MME: variants seen among roughly 807,000 people sequenced by gnomAD.
MME encodes the protein neprilysin.
Under a neutral mutation model 113.2 loss-of-function variants are expected in MME, and 98 were observed. That is an observed-to-expected ratio of 0.87 (90% CI 0.74 to 1.02). The LOEUF is 1.02. Ranked by LOEUF, MME falls within the 50% of genes least tolerant of loss-of-function variation. The pLI, the probability that MME is intolerant of heterozygous loss-of-function variation, is 0.00. For synonymous variants in MME, 292 were observed against 300.6 expected (o/e 0.97, Z 0.30); for missense variants, 836 against 896.0 (o/e 0.93, Z 0.86).
At chr3:155,135,755 C>T (rs1720572119) in intron 8 of MME, among the ~76,000 whole-genome samples, 1 of 152,020 alleles carries the variant, frequency 6.6e-6, no homozygotes, top group Admixed American at 6.6e-5. Flanking sequence ...ACTGATTCTT[C>T]CAGTCCATAA....
chr3:155,057,513 T>A (rs1392344454), intron 1 of MME, among the ~76,000 whole-genome samples: 1 of 151,866 alleles, frequency 6.6e-6, no homozygotes, highest in Admixed American at 6.6e-5. Flanking sequence ...GTTTTAAAGA[T>A]CAATTGGTTT....
chr3:155,041,147 C>G (rs1307432232), intron 1 of MME, among the ~76,000 whole-genome samples: 3 of 152,128 alleles, frequency 2.0e-5, no homozygotes, highest in African/African-American at 7.2e-5. Context: ...GATTTGATCC[C>G]TCATATCCCT....
At chr3:155,027,658 A>G (rs1007115029) in intron 1 of MME, among the ~76,000 whole-genome samples, 3 of 152,226 alleles carry the variant, frequency 2.0e-5, no homozygotes, top group South Asian at 2.1e-4. Flanking sequence ...GATTTCTTCT[A>G]TAGAATCCCT....
chr3:155,176,990 A>G (rs145842663), intron 22 of MME, among the ~76,000 whole-genome samples: 277 of 152,254 alleles, frequency 1.8e-3, no homozygotes, highest in African/African-American at 6.4e-3. Context: ...AGCTGAGTGC[A>G]CACCAGGCTG....
intron 1 of MME, among the ~76,000 whole-genome samples, chr3:155,026,348 C>A (rs1559885457): frequency 6.6e-6 from 1 of 152,120 alleles, no homozygotes; most frequent in Non-Finnish European, 1.5e-5. Flanking sequence ...CCCACTTCTA[C>A]CACTGAATGG....
intron 20 of MME, among the ~76,000 whole-genome samples, chr3:155,169,509 A>T (rs1410816208): frequency 6.6e-6 from 1 of 152,186 alleles, no homozygotes; most frequent in Non-Finnish European, 1.5e-5. Flanking sequence ...GCAAGGGTTA[A>T]AAAATAGTCT....
At position 155,056,646 on chromosome 3, in the gene MME, G is replaced by A. The variant is rs373427317; in HGVS notation, c.-10-27512G>A. On this transcript the variant is annotated intron_variant, in intron 1 of 22. Coordinates refer to the MME transcript ENST00000492661. ...AGTGCCGCAATAAACATACGTGTGC[G>A]TGTGTCTTTATAGCAGCATGATTTA... Among the ~76,000 whole-genome samples, 435 of 151,676 alleles carry A rather than the reference G, an allele frequency of 2.9e-3. 10 individuals are homozygous for A. The highest frequency in any genetic ancestry group is 0.028 in the South Asian group (134 of 4,776).
intron 4 of MME, 39 bp from the exon 5 acceptor site, chr3:155,116,440 C>T (rs1334133032): frequency 1.5e-6 from 2 of 1,369,524 alleles, no homozygotes. Flanking sequence ...TGCAAATGAG[C>T]AATTATGTTG....
At chr3:155,042,053 GAA>G (rs1220511562) in intron 1 of MME, among the ~76,000 whole-genome samples, 6 of 152,102 alleles carry the variant, frequency 3.9e-5, no homozygotes, top group Non-Finnish European at 8.8e-5. Context: ...TTTAACAAAA[GAA>G]TATTTCAATT....
chr3:155,133,062 A>AATATATATATATATATAT (rs1553762420), intron 8 of MME, among the ~76,000 whole-genome samples: 21 of 75,068 alleles, frequency 2.8e-4, no homozygotes, highest in African/African-American at 5.9e-4. Context: ...AAAAAAAAAA[A>AATATATATATATATATAT]ATATATATAT....
At chr3:155,141,908 C>A (rs1345662529) in intron 10 of MME, 83 bp from the exon 11 acceptor site, 1 of 1,479,222 alleles carries the variant, frequency 6.8e-7, no homozygotes, top group Non-Finnish European at 9.4e-7. Context: ...TCAAACTGAT[C>A]CAACCCTCTA....
chr3:155,044,153 CA>C (rs1490781138), intron 1 of MME, among the ~76,000 whole-genome samples: 22 of 91,392 alleles, frequency 2.4e-4, no homozygotes, highest in South Asian at 1.0e-3. Context: ...TTTTTTGAGA[CA>C]GGGGGTCTTG....
At chr3:155,060,185 T>C (rs1576675896) in intron 1 of MME, among the ~76,000 whole-genome samples, 1 of 152,302 alleles carries the variant, frequency 6.6e-6, no homozygotes, top group Admixed American at 6.5e-5. Context: ...AGCAAAATTA[T>C]GATTTCACAG....
At chr3:155,043,343 T>C (rs912276614) in intron 1 of MME, among the ~76,000 whole-genome samples, 1 of 151,832 alleles carries the variant, frequency 6.6e-6, no homozygotes, top group Non-Finnish European at 1.5e-5. Flanking sequence ...TTTCTTTTTT[T>C]TTTTTGAGAC....
intron 1 of MME, among the ~76,000 whole-genome samples, chr3:155,068,014 C>A (rs1714441360): frequency 6.6e-6 from 1 of 152,112 alleles, no homozygotes; most frequent in Admixed American, 6.6e-5. Flanking sequence ...TAGCCCCAAG[C>A]TATAAATTAA....
intron 9 of MME, 110 bp downstream of exon 9, chr3:155,138,346 A>G: frequency 9.1e-7 from 1 of 1,104,684 alleles, no homozygotes; most frequent in Non-Finnish European, 1.4e-6. Flanking sequence ...ACCAAGTAGT[A>G]AAAATGCATG....
chr3:155,144,297 T>C lies in MME; in HGVS notation c.1318-62T>C, dbSNP rs969616536. On this transcript the variant is annotated intron_variant, in intron 13 of 22. Coordinates refer to ENST00000360490, the MANE Select transcript of MME (RefSeq NM_007289.4). ...CAAAGATAGCATGTAGCTCTATTTT[T>C]AAAAATCTGTGTTACAAAGAATGAA... 18 of 1,137,762 alleles carry C rather than the reference T, an allele frequency of 1.6e-5. No individual in the cohort carries two copies. In the African/African-American group the frequency reaches 2.6e-4, roughly 16 times the overall value. The allele number at this position is 1,137,762 out of a possible 1,614,324, so 70.5% of individuals were successfully genotyped here.
chr3:155,058,296 C>A (rs1234268041), intron 1 of MME, among the ~76,000 whole-genome samples: 1 of 152,126 alleles, frequency 6.6e-6, no homozygotes, highest in African/African-American at 2.4e-5. Flanking sequence ...GACAATTAAG[C>A]ACTGCGTATT....
chr3:155,038,675 C>G (rs1713208322), intron 1 of MME, among the ~76,000 whole-genome samples: 1 of 152,084 alleles, frequency 6.6e-6, no homozygotes, highest in South Asian at 2.1e-4. Flanking sequence ...AGTACTGAAC[C>G]CTGTGTACAC....
Sources: gnomAD v4.1 joint callset for allele counts (sites outside exome capture counted in the v4.1 genomes callset) on GRCh38, gnomAD v4.1.1 for gene constraint, MANE v1.5 for transcripts, NCBI Gene and HGNC (gene_info 2026-07-23, HGNC 2026-07-21) for gene names.